The following DNASE1 variants were observed in gnomAD, a reference collection of about 807,000 sequenced individuals.
DNASE1 encodes the protein deoxyribonuclease 1.
Under a neutral mutation model 33.9 loss-of-function variants are expected in DNASE1, and 40 were observed. The observed-to-expected ratio is 1.18, with a 90% CI of 0.92 to 1.54. The LOEUF is 1.54. Ranked by LOEUF, DNASE1 falls within the 40% of genes most tolerant of loss-of-function variation. The probability of loss-of-function intolerance (pLI) is 0.00; values close to 1 mark genes in which losing one functional copy is unlikely to be tolerated. For synonymous variants in DNASE1, 216 were observed against 160.0 expected (o/e 1.35, Z -2.64); for missense variants, 518 against 372.6 (o/e 1.39, Z -3.21).
exon 10 of DNASE1, chr16:3,664,590 T>C: frequency 1.0e-6 from 1 of 969,294 alleles, no homozygotes; most frequent in Non-Finnish European, 1.5e-6. Flanking sequence ...CGAGGGACGG[T>C]AGTGGACTCG....
chr16:3,621,289 C>T (rs191299163), intron 1 of DNASE1, among the ~76,000 whole-genome samples: 377 of 152,116 alleles, frequency 2.5e-3, no homozygotes, highest in African/African-American at 8.6e-3. Context: ...GTCTTGCTAT[C>T]TTGCCCAGGC....
At chr16:3,614,080 T>C (rs1024616215) in intron 1 of DNASE1, among the ~76,000 whole-genome samples, 1 of 151,982 alleles carries the variant, frequency 6.6e-6, no homozygotes, top group Non-Finnish European at 1.5e-5. Flanking sequence ...ACCTGGCTAA[T>C]TTTTTGTATT....
chr16:3,645,202 CT>C (rs2042137821), intron 1 of DNASE1, among the ~76,000 whole-genome samples: 1 of 152,212 alleles, frequency 6.6e-6, no homozygotes, highest in Admixed American at 6.5e-5. Context: ...CCACTTTACA[CT>C]GTGTGTCCTT....
chr16:3,614,917 G>C (rs935130281), intron 1 of DNASE1, among the ~76,000 whole-genome samples: 2 of 152,114 alleles, frequency 1.3e-5, no homozygotes, highest in African/African-American at 2.4e-5. Context: ...AAATCTCTTA[G>C]AGTCCTGGTG....
rs1596558941 is a variant in DNASE1, at chr16:3,621,173, A to G, written c.-1359+9167A>G. On this transcript the variant is annotated intron_variant and NMD_transcript_variant, in intron 1 of 11. Coordinates refer to the DNASE1 transcript ENST00000570769. Reference sequence around the variant, plus strand: ...TGCAGTGGCACGAGCATAGACTCGAACTCTTGGGCTCAGACAATCCTCCTG... The same window carrying G: ...TGCAGTGGCACGAGCATAGACTCGAGCTCTTGGGCTCAGACAATCCTCCTG... 2.6e-5 allele frequency among the ~76,000 whole-genome samples: 4 copies of G among 152,036 alleles called. No homozygotes were observed. In the Middle Eastern group the frequency reaches 0.014, roughly 517 times the overall value.
At chr16:3,662,885 C>A, downstream of DNASE1, 1 of 1,613,672 alleles carries the variant, frequency 6.2e-7, no homozygotes, top group South Asian at 1.1e-5. Context: ...GCCTCACCTT[C>A]ACGTTGGTGA....
intron 1 of DNASE1, among the ~76,000 whole-genome samples, chr16:3,612,247 G>GT (rs1029622577): frequency 8.5e-5 from 13 of 152,244 alleles, no homozygotes; most frequent in African/African-American, 3.1e-4. Flanking sequence ...GCCATTGAAG[G>GT]TTTTTTGTTG....
At chr16:3,654,544 C>G, upstream of DNASE1, 1 of 398,644 alleles carries the variant, frequency 2.5e-6, no homozygotes, top group Non-Finnish European at 4.4e-6. Flanking sequence ...GAGACTGGAG[C>G]CCAGCCCCAC....
chr16:3,635,309 T>C (rs968310803), intron 1 of DNASE1, among the ~76,000 whole-genome samples: 2 of 151,790 alleles, frequency 1.3e-5, no homozygotes, highest in Middle Eastern at 3.4e-3. Context: ...AATAAAAAAA[T>C]TAGCTGTGCG....
In DNASE1 at chr16:3,613,003, CAT is replaced by C. The variant is rs1429861110; in HGVS notation, c.-1359+999_-1359+1000del. ...ATATGTTTTTTAAAAGATACAGTATCATAAAATGCACACTAGAAGTGTACATT... is the reference window on the plus strand; with the variant it reads ...ATATGTTTTTTAAAAGATACAGTATCAAAATGCACACTAGAAGTGTACATT... On this transcript the variant is annotated intron_variant and NMD_transcript_variant, in intron 1 of 11. Coordinates refer to the DNASE1 transcript ENST00000570769. Among the ~76,000 whole-genome samples the C allele has an allele frequency of 3.3e-5, 5 of 152,106 alleles. No individual in the cohort carries two copies. The East Asian group carries it at 9.6e-4, about 29-fold the overall frequency.
At chr16:3,633,616 A>G (rs2041770865) in intron 1 of DNASE1, among the ~76,000 whole-genome samples, 1 of 151,422 alleles carries the variant, frequency 6.6e-6, no homozygotes, top group African/African-American at 2.4e-5. Context: ...CTCAAGAGAA[A>G]AAAAAAAAAA....
rs747197899 is a variant in DNASE1 at position 3,657,117 on chromosome 16, G to A, written c.549+6G>A. On this transcript the variant is annotated splice_donor_region_variant and intron_variant, in intron 6 of 8. Transcript: ENST00000246949. ...AAGAGAAATGGGGCTTGGAGGTGAG[G>A]CCCTCCCAGGGGCAGTGGGCACCAG... The A allele has an allele frequency of 6.4e-5, 103 of 1,613,964 alleles. No individual in the cohort carries two copies. The highest frequency in any genetic ancestry group is 8.5e-5 in the Non-Finnish European group (100 of 1,180,030).
rs199986334 is a variant in DNASE1 at position 3,656,655 on chromosome 16, C to T, written c.338C>T (p.Ala113Val). ...TCCCGCAGGCCTGACCAGGTGTCTGCGGTGGACAGCTACTACTACGATGAT... is the reference window on the plus strand; with the variant it reads ...TCCCGCAGGCCTGACCAGGTGTCTGTGGTGGACAGCTACTACTACGATGAT... ...LFVYRPDQVS[A>V]VDSYYYDDGC... Residue 113 changes from alanine (A) to valine (V), a missense_variant, in exon 5 of 9, where the codon GCG (alanine) becomes GTG (valine). Transcript: ENST00000246949. 512 of 1,611,876 alleles carry T rather than the reference C, an allele frequency of 3.2e-4. 2 individuals carry two copies. The highest frequency in any genetic ancestry group is 3.0e-4 in the Non-Finnish European group (351 of 1,179,104).
intron 1 of DNASE1, among the ~76,000 whole-genome samples, chr16:3,617,830 AC>A (rs1400884751): frequency 6.6e-6 from 1 of 151,962 alleles, no homozygotes; most frequent in East Asian, 1.9e-4. Context: ...GAAACCCCCT[AC>A]CCTTTCTGCC....
chr16:3,654,598 T>C, upstream of DNASE1: 1 of 397,966 alleles, frequency 2.5e-6, no homozygotes, highest in Non-Finnish European at 4.4e-6. Context: ...TCCTGGAAGA[T>C]GGGGGCCACC....
chr16:3,623,764 C>T (rs766377073), intron 1 of DNASE1, among the ~76,000 whole-genome samples: 1 of 151,930 alleles, frequency 6.6e-6, no homozygotes, highest in Non-Finnish European at 1.5e-5. Flanking sequence ...AGAACACATA[C>T]TTCTCAAGTG....
intron 1 of DNASE1, among the ~76,000 whole-genome samples, chr16:3,634,493 G>T (rs1055819676): frequency 2.6e-5 from 4 of 152,078 alleles, no homozygotes; most frequent in African/African-American, 9.7e-5. Context: ...CTCCCAAAGT[G>T]CTGGGATTAC....
downstream of DNASE1, chr16:3,662,858 G>A (rs377621689): frequency 1.4e-5 from 22 of 1,611,820 alleles, no homozygotes; most frequent in African/African-American, 9.3e-5. Flanking sequence ...GCCAAGTGGT[G>A]GTCCATCCCC....
At chr16:3,624,224 G>A (rs953742681) in intron 1 of DNASE1, among the ~76,000 whole-genome samples, 1 of 150,702 alleles carries the variant, frequency 6.6e-6, no homozygotes, top group Non-Finnish European at 1.5e-5. Context: ...ACCTTAGACT[G>A]TGCCACTGCA....
Sources: allele counts gnomAD v4.1 joint callset (sites outside exome capture counted in the v4.1 genomes callset), GRCh38; gene constraint gnomAD v4.1.1; transcripts MANE v1.5; gene names NCBI Gene and HGNC (gene_info 2026-07-23, HGNC 2026-07-21).